Variants in HOXC6 observed in about 807,000 individuals in gnomAD.
The protein encoded by HOXC6 is homeobox C6.
A neutral mutation model predicts 24.0 loss-of-function variants in HOXC6; 10 were observed. That is an observed-to-expected ratio of 0.42 (90% CI 0.26 to 0.71). The LOEUF (loss-of-function observed/expected upper bound fraction) is 0.71, where lower values mean the gene tolerates loss of function less well. HOXC6 is among the 30% of genes least tolerant of loss of function. HOXC6 has a pLI of 0.28. For synonymous variants in HOXC6, 123 were observed against 128.1 expected (o/e 0.96, Z 0.27); for missense variants, 258 against 303.4 (o/e 0.85, Z 1.11).
At chr12:54,018,355 G>A (rs1317906641) in intron 1 of HOXC6, among the ~76,000 whole-genome samples, 3 of 152,192 alleles carry the variant, frequency 2.0e-5, no homozygotes, top group Non-Finnish European at 4.4e-5. Context: ...TCGGGGGGAG[G>A]TGGAAATGGG....
At chr12:54,023,556 T>C (rs1195112405), upstream of HOXC6, among the ~76,000 whole-genome samples, 2 of 152,134 alleles carry the variant, frequency 1.3e-5, no homozygotes, top group Non-Finnish European at 2.9e-5. Flanking sequence ...GCGCAGGCCT[T>C]GGAGGTGTTT....
At chr12:54,021,273 A>G (rs1456244595) in intron 1 of HOXC6, 1 of 152,146 alleles carries the variant, frequency 6.6e-6, no homozygotes, top group Non-Finnish European at 1.5e-5. Flanking sequence ...AGGTCCCCCA[A>G]ATACCCAGAT....
upstream of HOXC6, among the ~76,000 whole-genome samples, chr12:54,027,416 A>G (rs550004622): frequency 1.3e-5 from 2 of 152,316 alleles, no homozygotes; most frequent in South Asian, 2.1e-4. Flanking sequence ...CTAACTGTCC[A>G]TCAGAGCCCC....
chr12:54,028,484 T>G lies in HOXC6; in HGVS notation c.-38T>G, dbSNP rs200476091. On this transcript the variant is annotated 5_prime_UTR_variant, in exon 1 of 2. Transcript: ENST00000243108. ...TACAAACTGGAGACAGAAATAAATA[T>G]TAAAGAAATCATAGACCGACCAGGT... The G allele has an allele frequency of 1.4e-5, 22 of 1,588,276 alleles. No individual in the cohort carries two copies. The Admixed American group carries it at 1.4e-4, about 10-fold the overall frequency.
upstream of HOXC6, among the ~76,000 whole-genome samples, chr12:54,023,916 C>T (rs530578575): frequency 2.2e-4 from 34 of 152,282 alleles, no homozygotes; most frequent in South Asian, 1.9e-3. Flanking sequence ...TCTGGCAGAC[C>T]AGGAGGCTCT....
upstream of HOXC6, among the ~76,000 whole-genome samples, chr12:54,025,883 TG>T (rs1443598785): frequency 2.6e-5 from 4 of 151,982 alleles, no homozygotes; most frequent in East Asian, 7.7e-4. Context: ...GCATCCTTGC[TG>T]GGGGCTGTAG....
intron 1 of HOXC6, among the ~76,000 whole-genome samples, chr12:54,029,422 CA>C (rs1455384848): frequency 2.8e-5 from 4 of 140,712 alleles, no homozygotes; most frequent in Non-Finnish European, 6.3e-5. Flanking sequence ...CCCCCCCCCC[CA>C]CCACACACCT....
chr12:54,026,705 T>C (rs1483786888), upstream of HOXC6, among the ~76,000 whole-genome samples: 1 of 152,212 alleles, frequency 6.6e-6, no homozygotes, highest in Non-Finnish European at 1.5e-5. Context: ...AACTAACATG[T>C]TGTCTCCACC....
At chr12:54,027,837 C>T (rs1380763991), upstream of HOXC6, among the ~76,000 whole-genome samples, 1 of 152,178 alleles carries the variant, frequency 6.6e-6, no homozygotes, top group Non-Finnish European at 1.5e-5. Flanking sequence ...CTACTACATT[C>T]AAGACTCTCA....
chr12:54,018,884 G>A (rs1325523626), intron 1 of HOXC6, among the ~76,000 whole-genome samples: 8 of 152,296 alleles, frequency 5.3e-5, no homozygotes, highest in Admixed American at 2.0e-4. Context: ...TCTGCGCCAA[G>A]TCCCAGTGGG....
upstream of HOXC6, among the ~76,000 whole-genome samples, chr12:54,024,691 T>C (rs529819637): frequency 1.3e-5 from 2 of 148,488 alleles, no homozygotes; most frequent in Non-Finnish European, 3.0e-5. Flanking sequence ...AGTTCAGAGC[T>C]CACATGCCCC....
intron 1 of HOXC6, 119 bp from the exon 2 acceptor site, chr12:54,029,536 C>G (rs1281984225): frequency 9.5e-7 from 1 of 1,047,752 alleles, no homozygotes; most frequent in Non-Finnish European, 1.4e-6. Flanking sequence ...AAGGCTAGAG[C>G]CCTAAGGAGG....
chr12:54,028,239 T>C (rs1236727215), upstream of HOXC6: 5 of 148,938 alleles, frequency 3.4e-5, no homozygotes, highest in Non-Finnish European at 5.4e-5. Context: ...CCAAACCAGT[T>C]CCCTTACATA....
intron 1 of HOXC6, among the ~76,000 whole-genome samples, chr12:54,019,116 C>G: frequency 6.8e-6 from 1 of 146,368 alleles, no homozygotes; most frequent in Non-Finnish European, 1.5e-5. Flanking sequence ...TCGCAGCCAT[C>G]ATAAAGGCCT....
upstream of HOXC6, among the ~76,000 whole-genome samples, chr12:54,026,394 G>A (rs1712622129): frequency 1.3e-5 from 2 of 152,234 alleles, no homozygotes; most frequent in Non-Finnish European, 2.9e-5. Context: ...AGGGCAAAAA[G>A]CAACTCACAT....
upstream of HOXC6, among the ~76,000 whole-genome samples, chr12:54,026,702 A>G (rs1251389542): frequency 6.6e-6 from 1 of 152,162 alleles, no homozygotes; most frequent in East Asian, 1.9e-4. Context: ...ATTAACTAAC[A>G]TGTTGTCTCC....
chr12:54,023,931 G>A (rs1322705528), upstream of HOXC6, among the ~76,000 whole-genome samples: 1 of 152,132 alleles, frequency 6.6e-6, no homozygotes, highest in Non-Finnish European at 1.5e-5. Context: ...GGCTCTTTGC[G>A]ATCTGATCCT....
Position 54,017,974 on chromosome 12 carries a change from C to A in HOXC6, c.-193+560C>A, listed in dbSNP as rs1257629538. ...GCGCAGTGTGGGCCCAGGGCCGGGC[C>A]GCCGAGCAGGAAGCCGGCGCAGCTA... On this transcript the variant is annotated intron_variant, in intron 1 of 2. Transcript: ENST00000394331. 2.6e-5 allele frequency among the ~76,000 whole-genome samples: 4 copies of A among 152,322 alleles called. 1 individual carries two copies. Among genetic ancestry groups the A allele is most frequent in the African/African-American group, 7.2e-5 (3 of 41,572 alleles).
chr12:54,025,949 C>A (rs1384856675), upstream of HOXC6, among the ~76,000 whole-genome samples: 4 of 152,090 alleles, frequency 2.6e-5, no homozygotes, highest in African/African-American at 9.7e-5. Context: ...CTCCCCCACC[C>A]AGACATAAAA....
Sources: gnomAD v4.1 joint callset for allele counts (sites outside exome capture counted in the v4.1 genomes callset) on GRCh38, gnomAD v4.1.1 for gene constraint, MANE v1.5 for transcripts, NCBI Gene and HGNC (gene_info 2026-07-23, HGNC 2026-07-21) for gene names.